Variants in CRB1 observed in about 807,000 individuals in gnomAD.
CRB1 encodes the protein protein crumbs homolog 1.
In CRB1, 83 loss-of-function variants were observed where a neutral mutation model predicts 120.0. The observed-to-expected ratio is 0.69, with a 90% CI of 0.58 to 0.83. The LOEUF (loss-of-function observed/expected upper bound fraction) is 0.83, where lower values mean the gene tolerates loss of function less well. CRB1 is among the 40% of genes least tolerant of loss of function. The probability of loss-of-function intolerance (pLI) is 0.00; values close to 1 mark genes in which losing one functional copy is unlikely to be tolerated. For synonymous variants in CRB1, 625 were observed against 612.5 expected (o/e 1.02, Z -0.30); for missense variants, 1,699 against 1,687.6 (o/e 1.01, Z -0.12).
intron 2 of CRB1, among the ~76,000 whole-genome samples, chr1:197,341,524 G>A (rs1398865852): frequency 6.6e-6 from 1 of 151,366 alleles, no homozygotes; most frequent in Non-Finnish European, 1.5e-5. Context: ...AGTGAGATGA[G>A]TGAGACTCCA....
At chr1:197,256,932 CGTGTGTGTGTGTGTGTGTGT>C in the CRB1 span, among the ~76,000 whole-genome samples, 1 of 141,400 alleles carries the variant, frequency 7.1e-6, no homozygotes, top group African/African-American at 2.6e-5. Context: ...ATAGGATTTG[CGTGTGTGTGTGTGTGTGTGT>C]GTGTGTGTGT....
intron 5 of CRB1, among the ~76,000 whole-genome samples, chr1:197,415,706 G>T (rs1571508978): frequency 8.8e-6 from 1 of 113,906 alleles, no homozygotes; most frequent in Admixed American, 1.3e-4. Flanking sequence ...GCAGTGGTTT[G>T]ATCTCGGCTC....
At chr1:197,266,184 A>G (rs1469720070), upstream of CRB1, among the ~76,000 whole-genome samples, 2 of 152,052 alleles carry the variant, frequency 1.3e-5, no homozygotes, top group Non-Finnish European at 2.9e-5. Context: ...TAGTTTTTTC[A>G]TACTGCTATA....
At chr1:197,321,113 G>A (rs2125290670) in intron 1 of CRB1, among the ~76,000 whole-genome samples, 1 of 152,326 alleles carries the variant, frequency 6.6e-6, no homozygotes, top group South Asian at 2.1e-4. Flanking sequence ...CTGGGGTGGA[G>A]TTTGCCAAAT....
chr1:197,236,684 G>T, the CRB1 span, among the ~76,000 whole-genome samples: 1 of 152,120 alleles, frequency 6.6e-6, no homozygotes, highest in East Asian at 1.9e-4. Flanking sequence ...TCAAGTTAAA[G>T]AAGTTCCCCT....
At chr1:197,264,339 T>C (rs1654584524), upstream of CRB1, among the ~76,000 whole-genome samples, 1 of 152,228 alleles carries the variant, frequency 6.6e-6, no homozygotes, top group Admixed American at 6.5e-5. Context: ...TCCATTGTGT[T>C]ATATATACCG....
rs1212724358 is a variant in CRB1, at chr1:197,415,666, A to G, written c.1172-5334A>G. Reference sequence around the variant, plus strand: ...CTTTTTTTTTTTTTTTTTTTGAGACAGAGTCTCACTCTGTCGCCCAGGCTG... The same window carrying G: ...CTTTTTTTTTTTTTTTTTTTGAGACGGAGTCTCACTCTGTCGCCCAGGCTG... On this transcript the variant is annotated intron_variant, in intron 5 of 11. Coordinates refer to ENST00000367400, the MANE Select transcript of CRB1 (RefSeq NM_201253.3). Among the ~76,000 whole-genome samples the G allele has an allele frequency of 2.8e-5, 3 of 105,708 alleles. No homozygotes were observed. In the Admixed American group the frequency reaches 4.5e-4, roughly 16 times the overall value. The allele number at this position is 105,708 out of a possible 152,430, so 69.3% of individuals were successfully genotyped here.
chr1:197,214,231 C>G, the CRB1 span, among the ~76,000 whole-genome samples: 3 of 151,924 alleles, frequency 2.0e-5, no homozygotes, highest in African/African-American at 4.8e-5. Context: ...TACAGAAAAT[C>G]AAAAGATTGC....
intron 7 of CRB1, chr1:197,428,972 A>C: frequency 6.5e-7 from 1 of 1,533,026 alleles, no homozygotes; most frequent in East Asian, 2.4e-5. Context: ...TCTCTGATTC[A>C]GAGGCAGACC....
At position 197,391,861 on chromosome 1, in the gene CRB1, C is replaced by A. The variant is rs557023784; in HGVS notation, c.1172-29139C>A. 5.3e-5 allele frequency among the ~76,000 whole-genome samples: 8 copies of A among 152,066 alleles called. No individual in the cohort carries two copies. The South Asian group carries it at 1.7e-3, about 32-fold the overall frequency. On this transcript the variant is annotated intron_variant, in intron 5 of 11. Coordinates refer to ENST00000367400, the MANE Select transcript of CRB1 (RefSeq NM_201253.3). The stretch of plus-strand genomic sequence containing the variant: ...CCTACAGTAATATACAGCAGGGTGA[C>A]AACTCAAGTTCAAGTCTAGGATAGA...
intron 2 of CRB1, among the ~76,000 whole-genome samples, chr1:197,333,001 G>C (rs1480229788): frequency 4.6e-5 from 7 of 152,146 alleles, no homozygotes; most frequent in Admixed American, 4.6e-4. Flanking sequence ...CCTCAACTTA[G>C]ACCTCCTGAT....
chr1:197,246,833 G>C, the CRB1 span, among the ~76,000 whole-genome samples: 4 of 152,150 alleles, frequency 2.6e-5, no homozygotes, highest in East Asian at 5.8e-4. Context: ...GTATCAGAGA[G>C]TCTATGGTTC....
chr1:197,477,827 G>T lies in CRB1; in HGVS notation c.4169G>T (p.Arg1390Leu). 6.2e-7 allele frequency: 1 copy of T among 1,613,872 alleles called. No homozygotes were observed. The highest frequency in any genetic ancestry group is 8.5e-7 in the Non-Finnish European group (1 of 1,179,884). Reference protein sequence around the residue: ...SPSRQEKEGSRVEMWNLMPPP... With the variant: ...SPSRQEKEGSLVEMWNLMPPP... Reference sequence around the variant, plus strand: ...AGCCGTCAGGAGAAGGAGGGCTCCCGAGTGGAAATGTGGAACTTGATGCCA... The same window carrying T: ...AGCCGTCAGGAGAAGGAGGGCTCCCTAGTGGAAATGTGGAACTTGATGCCA... The change falls in exon 12 of 12, where the codon CGA (arginine) becomes CTA (leucine). Residue 1390 changes from arginine (R) to leucine (L), a missense_variant. Coordinates refer to ENST00000367400, the MANE Select transcript of CRB1 (RefSeq NM_201253.3).
intron 5 of CRB1, among the ~76,000 whole-genome samples, chr1:197,391,843 T>G (rs190457403): frequency 6.6e-6 from 1 of 152,010 alleles, no homozygotes; most frequent in Non-Finnish European, 1.5e-5. Context: ...CCTCCTACAG[T>G]AATATACAGC....
In CRB1 at chr1:197,462,176, T is replaced by C. The variant is rs552031079; in HGVS notation, c.4006-15488T>C. Among the ~76,000 whole-genome samples the C allele has an allele frequency of 3.9e-5, 6 of 152,272 alleles. No individual in the cohort carries two copies. In the East Asian group the frequency reaches 1.2e-3, roughly 29 times the overall value. ...TAGAATAAGCTTTTTGCCTTAGACTTTTTATAGGCAGAAATGTGCCACTGC... is the reference window on the plus strand; with the variant it reads ...TAGAATAAGCTTTTTGCCTTAGACTCTTTATAGGCAGAAATGTGCCACTGC... On this transcript the variant is annotated intron_variant, in intron 11 of 11. Transcript: ENST00000367400.
the CRB1 span, among the ~76,000 whole-genome samples, chr1:197,243,604 A>G: frequency 6.6e-6 from 1 of 152,230 alleles, no homozygotes; most frequent in Non-Finnish European, 1.5e-5. Flanking sequence ...TATCTCGTCA[A>G]TTTTAGAATA....
chr1:197,280,935 A>G (rs969126012), intron 1 of CRB1, among the ~76,000 whole-genome samples: 1 of 151,916 alleles, frequency 6.6e-6, no homozygotes, highest in Non-Finnish European at 1.5e-5. Flanking sequence ...AAAAAATTTA[A>G]TATGTAAAAT....
chr1:197,306,588 T>C (rs968405236), intron 1 of CRB1, among the ~76,000 whole-genome samples: 3 of 152,184 alleles, frequency 2.0e-5, no homozygotes, highest in Non-Finnish European at 2.9e-5. Context: ...TGGAGTGTTA[T>C]GTGGAGCAGT....
chr1:197,355,435 G>A (rs970652723), intron 4 of CRB1, among the ~76,000 whole-genome samples: 8 of 152,356 alleles, frequency 5.3e-5, no homozygotes, highest in African/African-American at 1.4e-4. Context: ...ACCCGGCGCC[G>A]CGGAGCAGGG....
Sources: gnomAD v4.1 joint callset for allele counts (sites outside exome capture counted in the v4.1 genomes callset) on GRCh38, gnomAD v4.1.1 for gene constraint, MANE v1.5 for transcripts, NCBI Gene and HGNC (gene_info 2026-07-23, HGNC 2026-07-21) for gene names.